Variants in CDC20B observed in about 807,000 individuals in gnomAD.
The protein encoded by CDC20B is cell division cycle protein 20 homolog B.
CDC20B carries 58 observed loss-of-function variants against 64.1 expected under a neutral mutation model. That is an observed-to-expected ratio of 0.90 (90% CI 0.73 to 1.13). The LOEUF (loss-of-function observed/expected upper bound fraction) is 1.13, where lower values mean the gene tolerates loss of function less well. Among genes scored for constraint, CDC20B ranks in the 50% most tolerant of loss-of-function variants. The pLI is 0.00. For synonymous variants in CDC20B, 243 were observed against 230.6 expected (o/e 1.05, Z -0.49); for missense variants, 597 against 633.0 (o/e 0.94, Z 0.61).
chr5:55,116,932 T>C (rs1168525447), intron 11 of CDC20B, among the ~76,000 whole-genome samples: 1 of 152,174 alleles, frequency 6.6e-6, no homozygotes, highest in African/African-American at 2.4e-5. Context: ...TCAGTGACAA[T>C]CTTAATTTAC....
intron 2 of CDC20B, among the ~76,000 whole-genome samples, chr5:55,157,377 T>C (rs1743844718): frequency 6.6e-6 from 1 of 152,204 alleles, no homozygotes; most frequent in African/African-American, 2.4e-5. Flanking sequence ...CCAAAATCTG[T>C]GTTCATCCAA....
intron 2 of CDC20B, among the ~76,000 whole-genome samples, chr5:55,168,954 T>C (rs1744502544): frequency 6.6e-6 from 1 of 152,216 alleles, no homozygotes; most frequent in African/African-American, 2.4e-5. Context: ...AACCTGCACA[T>C]GTACCCCCTG....
At chr5:55,136,945 T>C (rs1695161356) in intron 5 of CDC20B, 1 of 152,370 alleles carries the variant, frequency 6.6e-6, no homozygotes, top group African/African-American at 2.4e-5. Context: ...CTCAGTATTT[T>C]GGAAGGCTGA....
chr5:55,143,014 TAA>T (rs1743372513), intron 4 of CDC20B, among the ~76,000 whole-genome samples: 1 of 151,846 alleles, frequency 6.6e-6, no homozygotes, highest in Non-Finnish European at 1.5e-5. Flanking sequence ...CTATAATAAA[TAA>T]AAGATACCTA....
chr5:55,147,727 T>A (rs1743536748), intron 2 of CDC20B, among the ~76,000 whole-genome samples: 1 of 152,096 alleles, frequency 6.6e-6, no homozygotes, highest in African/African-American at 2.4e-5. Context: ...TAGGGAGTAA[T>A]TACATTTATA....
intron 2 of CDC20B, chr5:55,164,389 T>A (rs1281062426): frequency 2.5e-6 from 1 of 404,994 alleles, no homozygotes; most frequent in Middle Eastern, 6.4e-4. Flanking sequence ...CTATTAAATG[T>A]GGCAATGAAG....
chr5:55,126,470 A>G, intron 8 of CDC20B: 1 of 246,750 alleles, frequency 4.1e-6, no homozygotes, highest in Non-Finnish European at 7.9e-6. Context: ...CCATGTCAAA[A>G]AAAAAAAAAA....
intron 2 of CDC20B, chr5:55,160,049 C>A (rs1019895096): frequency 3.3e-6 from 2 of 614,712 alleles, no homozygotes; most frequent in Non-Finnish European, 2.9e-6. Flanking sequence ...CTTCATTTCC[C>A]CTCTGAGAAG....
chr5:55,170,009 G>A (rs1561098774), intron 2 of CDC20B, among the ~76,000 whole-genome samples: 1 of 152,224 alleles, frequency 6.6e-6, no homozygotes, highest in East Asian at 1.9e-4. Context: ...AGCTACTCCA[G>A]AGGCTGAGGC....
At chr5:55,143,949 A>C (rs1156777210) in intron 3 of CDC20B, among the ~76,000 whole-genome samples, 1 of 151,324 alleles carries the variant, frequency 6.6e-6, no homozygotes, top group Non-Finnish European at 1.5e-5. Flanking sequence ...TAAAGACCTG[A>C]CTTCATTTGC....
chr5:55,123,692 C>G (rs1198716578), intron 9 of CDC20B, among the ~76,000 whole-genome samples: 1 of 152,158 alleles, frequency 6.6e-6, no homozygotes, highest in East Asian at 1.9e-4. Context: ...GACAACAAGG[C>G]ATTTAAAAAG....
intron 5 of CDC20B, among the ~76,000 whole-genome samples, chr5:55,139,318 A>G (rs1260811255): frequency 6.6e-6 from 1 of 152,210 alleles, no homozygotes; most frequent in Admixed American, 6.5e-5. Context: ...ACCCAGAAAG[A>G]GCACAACATA....
intron 2 of CDC20B, chr5:55,166,542 G>A (rs1463210189): frequency 2.0e-5 from 3 of 152,232 alleles, no homozygotes; most frequent in Non-Finnish European, 4.4e-5. Flanking sequence ...CTGAGAGAGG[G>A]AGCGGAGTCA....
Position 55,146,677 on chromosome 5 carries a change from A to G in CDC20B, c.306T>C (p.Ala102=). 1.9e-6 allele frequency: 3 copies of G among 1,614,132 alleles called. No homozygotes were observed. The highest frequency in any genetic ancestry group is 2.5e-6 in the Non-Finnish European group (3 of 1,180,026). ...EEQSTTYLPE[A]SGSVLKTPPE... ...GCGGTGTCTTCAGCACTGATCCGGAAGCTTCTGGGAGGTAGGTGGTTGACT... is the reference window on the plus strand; with the variant it reads ...GCGGTGTCTTCAGCACTGATCCGGAGGCTTCTGGGAGGTAGGTGGTTGACT... Residue 102 remains alanine, a synonymous_variant, in exon 3 of 12, where the codon GCT becomes GCC. Transcript: ENST00000381375.
In CDC20B at chr5:55,143,708, T is replaced by C. The variant is rs1743394673; in HGVS notation, c.356-65A>G. The C allele has an allele frequency of 2.9e-5, 42 of 1,471,178 alleles. No individual in the cohort carries two copies. In the South Asian group the frequency reaches 5.7e-4, roughly 20 times the overall value. The allele number at this position is 1,471,178 out of a possible 1,614,324, so 91.1% of individuals were successfully genotyped here. ...ACAAGATAATCACTTTGATTGTAGG[T>C]CTGGCTGTGGCATCTTTCACAGAAG... On this transcript the variant is annotated intron_variant, in intron 3 of 11. Coordinates refer to ENST00000381375, the MANE Select transcript of CDC20B (RefSeq NM_001170402.1).
intron 3 of CDC20B, among the ~76,000 whole-genome samples, chr5:55,143,971 T>G (rs980779040): frequency 6.9e-6 from 1 of 145,030 alleles, no homozygotes; most frequent in African/African-American, 2.6e-5. Context: ...GCAGCAGCAG[T>G]GTGAATGCTT....
chr5:55,131,616 G>A (rs1345631045), intron 6 of CDC20B, among the ~76,000 whole-genome samples: 2 of 152,228 alleles, frequency 1.3e-5, no homozygotes, highest in South Asian at 2.1e-4. Flanking sequence ...CTATAACAAT[G>A]AGGAGTTCTT....
chr5:55,127,382 C>G, intron 7 of CDC20B, 31 bp from the exon 8 acceptor site: 1 of 1,577,982 alleles, frequency 6.3e-7, no homozygotes, highest in Non-Finnish European at 8.7e-7. Context: ...AGTTATGTAG[C>G]ATTGGAGTTT....
At chr5:55,171,571 T>G (rs1744600885) in intron 2 of CDC20B, among the ~76,000 whole-genome samples, 1 of 152,206 alleles carries the variant, frequency 6.6e-6, no homozygotes, top group Non-Finnish European at 1.5e-5. Context: ...AATGCAATTA[T>G]GTATTCAATA....
Sources: allele counts gnomAD v4.1 joint callset (sites outside exome capture counted in the v4.1 genomes callset), GRCh38; gene constraint gnomAD v4.1.1; transcripts MANE v1.5; gene names NCBI Gene and HGNC (gene_info 2026-07-23, HGNC 2026-07-21).